NMT2: variants seen among roughly 807,000 people sequenced by gnomAD.
NMT2 encodes N-myristoyltransferase 2.
Under a neutral mutation model 65.4 loss-of-function variants are expected in NMT2, and 35 were observed. That is an observed-to-expected ratio of 0.54 (90% CI 0.41 to 0.71). The LOEUF (loss-of-function observed/expected upper bound fraction) is 0.71, where lower values mean the gene tolerates loss of function less well. Among genes scored for constraint, NMT2 ranks in the 30% least tolerant of loss-of-function variants. The pLI is 0.00. For synonymous variants in NMT2, 226 were observed against 231.8 expected (o/e 0.98, Z 0.23); for missense variants, 489 against 611.3 (o/e 0.80, Z 2.11).
At chr10:15,163,405 C>A (rs540935389) in intron 1 of NMT2, among the ~76,000 whole-genome samples, 64 of 152,294 alleles carry the variant, frequency 4.2e-4, no homozygotes, top group African/African-American at 1.5e-3. Flanking sequence ...TATATTTAGA[C>A]AACCCTGGAA....
chr10:15,155,383 T>C, intron 1 of NMT2: 1 of 673,664 alleles, frequency 1.5e-6, no homozygotes. Flanking sequence ...TTGTGTTTTT[T>C]TAAGAGATTG....
intron 9 of NMT2, among the ~76,000 whole-genome samples, chr10:15,115,286 C>T: frequency 6.6e-6 from 1 of 152,068 alleles, no homozygotes; most frequent in East Asian, 1.9e-4. Flanking sequence ...AAACAAAAAT[C>T]ATAATACTGT....
intron 1 of NMT2, among the ~76,000 whole-genome samples, chr10:15,164,182 CAAAA>C (rs34847914): frequency 7.2e-5 from 5 of 69,852 alleles, no homozygotes; most frequent in Non-Finnish European, 8.0e-5. Flanking sequence ...GAATTGGTCT[CAAAA>C]AAAAAAAAAA....
chr10:15,119,718 G>C (rs1393019648), intron 8 of NMT2, among the ~76,000 whole-genome samples: 1 of 152,174 alleles, frequency 6.6e-6, no homozygotes, highest in Non-Finnish European at 1.5e-5. Context: ...CATACATTAA[G>C]GTTTGAGAAG....
Position 15,107,745 on chromosome 10 carries a change from A to G in NMT2, c.*1450T>C, listed in dbSNP as rs1274147823. ...GCTGGGATTACAGGCGTGAGCCACC[A>G]CACCCAGCCAAGGCATCTACTTTGT... On this transcript the variant is annotated 3_prime_UTR_variant, in exon 12 of 12. Transcript: ENST00000378165. 8 of 984,582 alleles carry G rather than the reference A, an allele frequency of 8.1e-6. No homozygotes were observed. The highest frequency in any genetic ancestry group is 1.8e-5 in the African/African-American group (1 of 56,788). 61.0% of individuals were successfully genotyped at this position (984,582 alleles called of 1,614,324 possible).
At chr10:15,135,527 A>C in intron 2 of NMT2, 109 bp from the exon 3 acceptor site, 4 of 1,091,916 alleles carry the variant, frequency 3.7e-6, no homozygotes, top group Non-Finnish European at 5.4e-6. Context: ...AACACTAACA[A>C]TCCTCCTCCA....
intron 2 of NMT2, among the ~76,000 whole-genome samples, chr10:15,140,821 C>A (rs1262463317): frequency 6.6e-6 from 1 of 152,224 alleles, no homozygotes; most frequent in Non-Finnish European, 1.5e-5. Flanking sequence ...CCACGCAGTA[C>A]AATCAACCCT....
chr10:15,122,320 C>A (rs1845952715), intron 8 of NMT2, among the ~76,000 whole-genome samples: 2 of 152,172 alleles, frequency 1.3e-5, no homozygotes, highest in South Asian at 4.1e-4. Flanking sequence ...GCACAATTCT[C>A]ATTCATTGAA....
At chr10:15,146,049 G>C (rs1433900694) in intron 1 of NMT2, among the ~76,000 whole-genome samples, 1 of 152,178 alleles carries the variant, frequency 6.6e-6, no homozygotes, top group Non-Finnish European at 1.5e-5. Flanking sequence ...ATTCAGCCCT[G>C]CATATCATGT....
At chr10:15,111,389 TAG>T (rs1265831067) in intron 10 of NMT2, among the ~76,000 whole-genome samples, 1 of 150,862 alleles carries the variant, frequency 6.6e-6, no homozygotes, top group Non-Finnish European at 1.5e-5. Context: ...CACACACCTA[TAG>T]TCCCAGCTAC....
In NMT2 at chr10:15,133,107, A is replaced by G. The variant is rs1487727917; in HGVS notation, c.548T>C (p.Val183Ala). 2 of 1,614,110 alleles carry G rather than the reference A, an allele frequency of 1.2e-6. No homozygotes were observed. The highest frequency in any genetic ancestry group is 8.5e-7 in the Non-Finnish European group (1 of 1,179,924). ...ELYTLLNENY[V>A]EDDDNMFRFD... ...TCGGAACATATTGTCATCATCTTCT[A>G]CGTAATTCTCATTTAACAACGTGTA... Residue 183 changes from valine to alanine, a missense_variant, in exon 5 of 12, where the codon GTA (valine) becomes GCA (alanine). By Grantham distance (64) the Val-to-Ala change is moderately conservative. Transcript: ENST00000378165.
At chr10:15,121,541 G>A (rs1845931869) in intron 8 of NMT2, among the ~76,000 whole-genome samples, 3 of 152,066 alleles carry the variant, frequency 2.0e-5, no homozygotes, top group Non-Finnish European at 4.4e-5. Context: ...CTAATTTTGT[G>A]TTTTTAGTAG....
intron 7 of NMT2, among the ~76,000 whole-genome samples, chr10:15,129,336 G>C (rs914533930): frequency 6.6e-6 from 1 of 152,130 alleles, no homozygotes; most frequent in East Asian, 1.9e-4. Flanking sequence ...AAAAACAGTG[G>C]TGAGGGGTGG....
In NMT2 at chr10:15,135,427, G is replaced by C. The variant is rs748684478; in HGVS notation, c.247-9C>G. On this transcript the variant is annotated splice_polypyrimidine_tract_variant and intron_variant, in intron 2 of 11. Coordinates refer to ENST00000378165, the MANE Select transcript of NMT2 (RefSeq NM_004808.3). ...ATTGGAACACTGGGATTCTACGACAGCAAAGACAGACACAGAATATGAGAG... is the reference window on the plus strand; with the variant it reads ...ATTGGAACACTGGGATTCTACGACACCAAAGACAGACACAGAATATGAGAG... 4 of 1,613,406 alleles carry C rather than the reference G, an allele frequency of 2.5e-6. No homozygotes were observed. Among genetic ancestry groups the C allele is most frequent in the Non-Finnish European group, 3.4e-6 (4 of 1,179,634 alleles).
intron 1 of NMT2, among the ~76,000 whole-genome samples, chr10:15,166,490 G>A (rs1468933406): frequency 2.6e-5 from 4 of 152,168 alleles, no homozygotes; most frequent in Admixed American, 1.3e-4. Flanking sequence ...CAGTACATGA[G>A]CCAAATAAAA....
At chr10:15,117,815 A>C (rs1447345173) in intron 9 of NMT2, among the ~76,000 whole-genome samples, 1 of 152,236 alleles carries the variant, frequency 6.6e-6, no homozygotes, top group Non-Finnish European at 1.5e-5. Flanking sequence ...ATCTAGCTAT[A>C]CACTTAAGAA....
intron 8 of NMT2, among the ~76,000 whole-genome samples, chr10:15,127,223 A>G (rs1202579135): frequency 6.7e-6 from 1 of 149,456 alleles, no homozygotes; most frequent in Non-Finnish European, 1.5e-5. Flanking sequence ...TAACAGAGCG[A>G]GACTCTGTCT....
chr10:15,111,274 G>T (rs1358565096), intron 10 of NMT2, among the ~76,000 whole-genome samples: 2 of 151,722 alleles, frequency 1.3e-5, no homozygotes, highest in African/African-American at 2.4e-5. Flanking sequence ...ACTTTGGGAG[G>T]CCGCAGCAGG....
intron 9 of NMT2, among the ~76,000 whole-genome samples, chr10:15,113,233 G>C (rs1162388726): frequency 4.6e-5 from 7 of 151,914 alleles, no homozygotes; most frequent in Non-Finnish European, 1.0e-4. Context: ...CACTTTGGGA[G>C]GATGAGGCGT....
Sources: allele counts gnomAD v4.1 joint callset (sites outside exome capture counted in the v4.1 genomes callset), GRCh38; gene constraint gnomAD v4.1.1; transcripts MANE v1.5; gene names NCBI Gene and HGNC (gene_info 2026-07-23, HGNC 2026-07-21).